Variants in SCAF8 observed in about 807,000 individuals in gnomAD.
SCAF8 encodes SR-related and CTD-associated factor 8.
A neutral mutation model predicts 140.5 loss-of-function variants in SCAF8; 23 were observed. That is an observed-to-expected ratio of 0.16 (90% CI 0.12 to 0.23). SCAF8 has a LOEUF of 0.23. Ranked by LOEUF, SCAF8 falls within the 10% of genes least tolerant of loss-of-function variation. SCAF8 has a pLI of 1.00. For synonymous variants in SCAF8, 575 were observed against 528.9 expected (o/e 1.09, Z -1.20); for missense variants, 1,397 against 1,555.7 (o/e 0.90, Z 1.72).
At chr6:154,816,377 C>G (rs534818071) in intron 13 of SCAF8, among the ~76,000 whole-genome samples, 1 of 152,332 alleles carries the variant, frequency 6.6e-6, no homozygotes, top group Non-Finnish European at 1.5e-5. Flanking sequence ...ACTCTTGATT[C>G]TTGCACTAGT....
chr6:154,744,526 G>A (rs750386758), intron 1 of SCAF8, among the ~76,000 whole-genome samples: 9 of 152,250 alleles, frequency 5.9e-5, no homozygotes, highest in Admixed American at 2.0e-4. Context: ...GGTTGGATAG[G>A]TGTCATCCCA....
intron 3 of SCAF8, among the ~76,000 whole-genome samples, chr6:154,786,621 C>T (rs895197482): frequency 6.6e-6 from 1 of 152,218 alleles, no homozygotes; most frequent in African/African-American, 2.4e-5. Flanking sequence ...CCAGGAATGA[C>T]AAGGACAGCT....
At chr6:154,770,696 A>G (rs928437042) in intron 1 of SCAF8, among the ~76,000 whole-genome samples, 4 of 152,166 alleles carry the variant, frequency 2.6e-5, no homozygotes, top group African/African-American at 7.2e-5. Flanking sequence ...TTGCACTTCT[A>G]CCAGGATTCA....
chr6:154,805,605 A>G (rs1191751146), intron 9 of SCAF8, 119 bp downstream of exon 9: 3 of 451,628 alleles, frequency 6.6e-6, no homozygotes, highest in South Asian at 7.7e-5. Context: ...TTTCTCAACT[A>G]TTTAGCTTTT....
intron 12 of SCAF8, among the ~76,000 whole-genome samples, chr6:154,812,176 CTTTTT>C (rs67493657): frequency 5.2e-4 from 55 of 106,390 alleles, no homozygotes; most frequent in Middle Eastern, 6.1e-3. Context: ...AAGATACTGC[CTTTTT>C]TTTTTTTTTT....
chr6:154,809,151 A>C (rs1778012140), intron 11 of SCAF8, among the ~76,000 whole-genome samples: 1 of 152,206 alleles, frequency 6.6e-6, no homozygotes, highest in Admixed American at 6.5e-5. Context: ...TCACAGTGAT[A>C]CCAAAAATGG....
rs576968020 is a variant in SCAF8 at position 154,768,492 on chromosome 6, G to A, written c.31-5497G>A. Among the ~76,000 whole-genome samples the A allele has an allele frequency of 6.2e-4, 95 of 152,326 alleles. 5 individuals are homozygous for A. In the South Asian group the frequency reaches 0.017, roughly 27 times the overall value. ...ACTCACACTCGAGCTCACTGCAATA[G>A]CAAGAGAAGGTGGCTATGAAATTAT... On this transcript the variant is annotated intron_variant, in intron 1 of 19. Coordinates refer to ENST00000367178, the MANE Select transcript of SCAF8 (RefSeq NM_014892.5).
At chr6:154,820,068 A>G in intron 14 of SCAF8, 109 bp from the exon 15 acceptor site, 1 of 847,280 alleles carries the variant, frequency 1.2e-6, no homozygotes, top group Non-Finnish European at 1.7e-6. Flanking sequence ...TGTTTTCTAA[A>G]ACCAATTTTA....
chr6:154,820,828 C>T (rs72993477), intron 15 of SCAF8, among the ~76,000 whole-genome samples: 2,561 of 151,776 alleles, frequency 0.017, 28 homozygotes, highest in Non-Finnish European at 0.024. Flanking sequence ...TTTTAATCCC[C>T]AAAATTATCT....
In SCAF8 at chr6:154,815,741, G is replaced by A; in HGVS notation, c.1446G>A (p.Gly482=). 2 of 1,612,370 alleles carry A rather than the reference G, an allele frequency of 1.2e-6. No individual in the cohort carries two copies. The highest frequency in any genetic ancestry group is 2.2e-5 in the East Asian group (1 of 44,756). Residue 482 remains glycine (G), a synonymous_variant, in exon 13 of 20, where the codon GGG becomes GGA. Coordinates refer to ENST00000367178, the MANE Select transcript of SCAF8 (RefSeq NM_014892.5). The stretch of plus-strand genomic sequence containing the variant: ...TATGTAGTACTACTCTCTGGGTTGG[G>A]CAAGTGGACAAGAAGGCAACACAGC... ...LSVCSTTLWV[G]QVDKKATQQD... is the part of the protein sequence containing the mutation.
In SCAF8 at chr6:154,833,471, T is replaced by C. The variant is rs1199982505; in HGVS notation, c.*76T>C. The C allele has an allele frequency of 1.4e-6, 2 of 1,389,802 alleles. No individual in the cohort carries two copies. The highest frequency in any genetic ancestry group is 2.3e-5 in the East Asian group (1 of 43,384). 86.1% of individuals were successfully genotyped at this position (1,389,802 alleles called of 1,614,324 possible). A position where few individuals can be genotyped will look rare whatever the true frequency, so the allele number is the denominator to read the frequency against. On this transcript the variant is annotated 3_prime_UTR_variant, in exon 20 of 20. Transcript: ENST00000367178. ...TAATAGATAATGGCTGACTGGACCA[T>C]AGTTGTTCACTTTTGTCTGCCAGAA...
At chr6:154,808,349 C>A in intron 10 of SCAF8, 148 bp downstream of exon 10, 1 of 843,368 alleles carries the variant, frequency 1.2e-6, no homozygotes, top group Non-Finnish European at 1.8e-6. Context: ...CAAGCTTGTC[C>A]AAGGCCTAAG....
chr6:154,738,195 CAAA>C (rs555772506), intron 1 of SCAF8, among the ~76,000 whole-genome samples: 3 of 119,502 alleles, frequency 2.5e-5, no homozygotes, highest in South Asian at 2.7e-4. Flanking sequence ...GACTCTGCTT[CAAA>C]AAAAAAAAAA....
intron 3 of SCAF8, 148 bp from the exon 4 acceptor site, chr6:154,787,712 TG>T: frequency 1.7e-6 from 1 of 593,696 alleles, no homozygotes; most frequent in Non-Finnish European, 2.8e-6. Flanking sequence ...TTCCAGAAAC[TG>T]ATGATATTGG....
At chr6:154,815,689 G>T (rs752927911) in intron 12 of SCAF8, 27 bp from the exon 13 acceptor site, 1 of 1,297,844 alleles carries the variant, frequency 7.7e-7, no homozygotes, top group Non-Finnish European at 1.1e-6. Context: ...AAATGATTTA[G>T]GTCATTTGTC....
intron 9 of SCAF8, among the ~76,000 whole-genome samples, chr6:154,806,583 G>C (rs190470006): frequency 2.0e-5 from 3 of 152,162 alleles, no homozygotes; most frequent in African/African-American, 7.2e-5. Flanking sequence ...TAGAGGTACA[G>C]CTGAAGGATT....
At chr6:154,805,316 C>G in intron 8 of SCAF8, 53 bp from the exon 9 acceptor site, 3 of 1,007,962 alleles carry the variant, frequency 3.0e-6, no homozygotes, top group Non-Finnish European at 4.6e-6. Flanking sequence ...CAGTTATTTT[C>G]ATAGTATCTT....
intron 18 of SCAF8, among the ~76,000 whole-genome samples, chr6:154,828,611 CT>C (rs1373465329): frequency 6.6e-6 from 1 of 152,074 alleles, no homozygotes; most frequent in Non-Finnish European, 1.5e-5. Context: ...AGCTACTTAG[CT>C]TTTTGGCCCA....
intron 15 of SCAF8, among the ~76,000 whole-genome samples, chr6:154,821,183 C>G (rs867949129): frequency 1.3e-5 from 2 of 152,176 alleles, no homozygotes; most frequent in African/African-American, 2.4e-5. Context: ...GACAAAAATT[C>G]TTCCTCTTGT....
Sources: gnomAD v4.1 joint callset for allele counts (sites outside exome capture counted in the v4.1 genomes callset) on GRCh38, gnomAD v4.1.1 for gene constraint, MANE v1.5 for transcripts, NCBI Gene and HGNC (gene_info 2026-07-23, HGNC 2026-07-21) for gene names.